Variants in MCF2L2 observed in about 807,000 individuals in gnomAD.
MCF2L2 encodes the protein MCF.2 cell line derived transforming sequence-like 2, also known as probable guanine nucleotide exchange factor MCF2L2.
Under a neutral mutation model 150.2 loss-of-function variants are expected in MCF2L2, and 102 were observed. The ratio of observed to expected loss-of-function variants is 0.68; its 90% CI spans 0.58 to 0.80. The LOEUF is 0.80. Ranked by LOEUF, MCF2L2 falls within the 30% of genes least tolerant of loss-of-function variation. The pLI, the probability that MCF2L2 is intolerant of heterozygous loss-of-function variation, is 0.00. For missense variants in MCF2L2, 1,256 were observed against 1,372.8 expected (o/e 0.91, Z 1.34); for synonymous variants, 465 against 491.3 (o/e 0.95, Z 0.71).
rs1403849227 is a variant in MCF2L2 at position 183,262,315 on chromosome 3, T to C, written c.1862+14557A>G. Among the ~76,000 whole-genome samples the C allele has an allele frequency of 2.6e-5, 4 of 152,156 alleles. No homozygotes were observed. In the East Asian group the frequency reaches 7.7e-4, roughly 29 times the overall value. ...CAGACATGTCCATGGAAGTTGGCAA[T>C]ATTCAGCCCCCAGCAGGCCCCAGTC... On this transcript the variant is annotated intron_variant, in intron 15 of 29. Coordinates refer to ENST00000328913, the MANE Select transcript of MCF2L2 (RefSeq NM_015078.4).
chr3:183,179,445 C>T lies in MCF2L2; in HGVS notation c.3280G>A (p.Ala1094Thr), dbSNP rs774320401. 1.9e-6 allele frequency: 3 copies of T among 1,587,224 alleles called. No individual in the cohort carries two copies. The highest frequency in any genetic ancestry group is 1.7e-4 in the Middle Eastern group (1 of 6,002). ...AGASTGRLAP[A>T]GATAGFQARA... is the part of the protein sequence containing the mutation. ...GCCTGGAAACCAGCCGTCGCCCCCG[C>T]AGGAGCCAGCCGGCCCGTGGACGCC... Residue 1094 changes from alanine to threonine, a missense_variant, in exon 30 of 30, where the codon GCG becomes ACG. Physicochemically the swap from Ala to Thr is moderately conservative, Grantham distance 58 (BLOSUM62 0). Coordinates refer to ENST00000328913, the MANE Select transcript of MCF2L2 (RefSeq NM_015078.4). This position sits in a 1 kb window ranked among gnomAD's most constrained non-coding sequence, Gnocchi z 4.2.
chr3:183,320,777 G>A (rs6802172), intron 6 of MCF2L2, among the ~76,000 whole-genome samples: 21,580 of 152,116 alleles, frequency 0.14, 1,692 homozygotes, highest in African/African-American at 0.2. Context: ...TTCACAACTA[G>A]GCGAACTGGC....
At chr3:183,277,781 A>C (rs1249358586) in intron 14 of MCF2L2, among the ~76,000 whole-genome samples, 1 of 150,712 alleles carries the variant, frequency 6.6e-6, no homozygotes, top group Non-Finnish European at 1.5e-5. Flanking sequence ...GGAAACATAT[A>C]TATATGTTTT....
At chr3:183,190,942 A>G (rs1191888125) in intron 27 of MCF2L2, among the ~76,000 whole-genome samples, 1 of 152,102 alleles carries the variant, frequency 6.6e-6, no homozygotes, top group Non-Finnish European at 1.5e-5. Context: ...CTGGAGTGCA[A>G]TGGCGCGATC....
rs754136583 is a variant in MCF2L2 at position 183,297,101 on chromosome 3, G to A, written c.1372C>T (p.Arg458Ter). The change falls in exon 12 of 30, where the codon CGA (arginine) becomes TGA (stop). Residue 458 changes from arginine (R) to a stop codon, truncating the protein, a stop_gained. Coordinates refer to ENST00000328913, the MANE Select transcript of MCF2L2 (RefSeq NM_015078.4). LOFTEE classifies it high-confidence loss of function. ...TTCAAGGCGATATCAACCCCTTCTC[G>A]AGACTGGCACTTGTCTACAGCTTGG... ...ASQAVDKCQS[R>*]EGVDIALNDI... 18 of 1,614,130 alleles carry A rather than the reference G, an allele frequency of 1.1e-5. No individual in the cohort carries two copies. Among genetic ancestry groups the A allele is most frequent in the Non-Finnish European group, 1.4e-5 (16 of 1,180,022 alleles).
At chr3:183,350,776 C>T (rs981211238) in intron 3 of MCF2L2, among the ~76,000 whole-genome samples, 1 of 151,904 alleles carries the variant, frequency 6.6e-6, no homozygotes, top group Non-Finnish European at 1.5e-5. Context: ...TGGTGGCGGG[C>T]GCCTGGAGTC....
intron 9 of MCF2L2, 118 bp from the exon 10 acceptor site, chr3:183,309,953 T>C (rs1729286583): frequency 8.5e-7 from 1 of 1,183,150 alleles, no homozygotes; most frequent in Non-Finnish European, 1.1e-6. Flanking sequence ...CTTGTATATA[T>C]CTATATATGT....
intron 15 of MCF2L2, 168 bp from the exon 16 acceptor site, chr3:183,231,185 C>G (rs1004588390): frequency 4.3e-6 from 3 of 690,074 alleles, no homozygotes; most frequent in Non-Finnish European, 8.0e-6. Context: ...CCAAGGTCAG[C>G]ATCTCACAAA....
intron 1 of MCF2L2, among the ~76,000 whole-genome samples, chr3:183,410,361 T>C (rs1018644070): frequency 2.0e-5 from 3 of 152,206 alleles, no homozygotes; most frequent in African/African-American, 7.2e-5. Context: ...TGAACTCCCC[T>C]CCAGTCCAGT....
At position 183,338,902 on chromosome 3, in the gene MCF2L2, G is replaced by A; in HGVS notation, c.384C>T (p.Asn128=). 1 of 1,599,934 alleles carries A rather than the reference G, an allele frequency of 6.3e-7. No individual in the cohort carries two copies. The change falls in exon 5 of 30, where the codon AAC becomes AAT. Residue 128 remains asparagine (N), a synonymous_variant. Coordinates refer to ENST00000328913, the MANE Select transcript of MCF2L2 (RefSeq NM_015078.4). The part of the protein sequence containing the change: ...LTRIAVAFPG[N]LQLIFILRPS... ...GACGAAGGATGAATATGAGCTGTAAGTTTCCTGGAAATGCCACCTGCAAGC... is the reference window on the plus strand; with the variant it reads ...GACGAAGGATGAATATGAGCTGTAAATTTCCTGGAAATGCCACCTGCAAGC...
At chr3:183,329,435 C>T (rs1304033792) in intron 5 of MCF2L2, among the ~76,000 whole-genome samples, 1 of 152,186 alleles carries the variant, frequency 6.6e-6, no homozygotes, top group East Asian at 1.9e-4. Context: ...GATCCACCCA[C>T]CTCAACCTCC....
chr3:183,380,546 CG>C lies in MCF2L2; in HGVS notation c.161-1136del, dbSNP rs749508558. Among the ~76,000 whole-genome samples the C allele has an allele frequency of 8.5e-5, 13 of 152,224 alleles. No homozygotes were observed. In the East Asian group the frequency reaches 2.5e-3, roughly 29 times the overall value. ...CCTCGTGAGTAGCTGGGATTACAGG[CG>C]TGCACCACCATACCCAGCTAATTTT... On this transcript the variant is annotated intron_variant, in intron 2 of 29. Transcript: ENST00000328913.
At position 183,270,350 on chromosome 3, in the gene MCF2L2, A is replaced by C; in HGVS notation, c.1862+6522T>G. ...TCAGTTGGGCAAATACCTATTGTCC[A>C]CATGCCAAATTTCTTATGACTGCTG... is the stretch of plus-strand genomic sequence containing the variant. On this transcript the variant is annotated intron_variant, in intron 15 of 29. Transcript: ENST00000328913. This position sits in a 1 kb window ranked among gnomAD's most constrained non-coding sequence, Gnocchi z 4.5. The C allele has an allele frequency of 1.9e-6, 3 of 1,614,212 alleles. No individual in the cohort carries two copies. The South Asian group carries it at 3.3e-5, about 18-fold the overall frequency.
At chr3:183,344,360 T>C (rs959615909) in intron 3 of MCF2L2, among the ~76,000 whole-genome samples, 2 of 151,710 alleles carry the variant, frequency 1.3e-5, no homozygotes, top group African/African-American at 4.8e-5. Flanking sequence ...AAAGGAGAAA[T>C]AAAGGAACAA....
intron 5 of MCF2L2, among the ~76,000 whole-genome samples, chr3:183,333,910 T>G (rs6792953): frequency 0.26 from 38,699 of 147,176 alleles, 7,195 homozygotes; most frequent in African/African-American, 0.53. Context: ...GATCAGAGCA[T>G]GCCTGAGAGG....
chr3:183,318,425 A>G (rs1729685702), intron 6 of MCF2L2, among the ~76,000 whole-genome samples: 1 of 152,182 alleles, frequency 6.6e-6, no homozygotes, highest in Non-Finnish European at 1.5e-5. Context: ...ATGACTTTGG[A>G]TAAGTCACCT....
Position 183,323,091 on chromosome 3 carries a change from C to T in MCF2L2, c.603+144G>A, listed in dbSNP as rs1054074030. ...CTTCGCCCTTCCACACTCCTTCTTC[C>T]CCACCCTGTGGCTGAGAAATCCCAA... On this transcript the variant is annotated intron_variant, in intron 6 of 29. Coordinates refer to ENST00000328913, the MANE Select transcript of MCF2L2 (RefSeq NM_015078.4). 8 of 567,646 alleles carry T rather than the reference C, an allele frequency of 1.4e-5. No individual in the cohort carries two copies. In the African/African-American group the frequency reaches 1.5e-4, roughly 11 times the overall value. The allele number at this position is 567,646 out of a possible 1,614,324, so 35.2% of individuals were successfully genotyped here.
chr3:183,347,821 T>C (rs1259226401), intron 3 of MCF2L2, among the ~76,000 whole-genome samples: 1 of 152,174 alleles, frequency 6.6e-6, no homozygotes, highest in Non-Finnish European at 1.5e-5. Flanking sequence ...TGCTGGTCAT[T>C]AGATAAATGC....
At chr3:183,323,106 A>G (rs1729879623) in intron 6 of MCF2L2, 129 bp downstream of exon 6, 1 of 603,932 alleles carries the variant, frequency 1.7e-6, no homozygotes, top group Non-Finnish European at 3.0e-6. Flanking sequence ...CCTGTGGCTG[A>G]GAAATCCCAA....
Sources: allele counts gnomAD v4.1 joint callset (sites outside exome capture counted in the v4.1 genomes callset), GRCh38; gene constraint gnomAD v4.1.1; non-coding constraint Gnocchi (gnomAD v3.1); transcripts MANE v1.5; gene names NCBI Gene and HGNC (gene_info 2026-07-23, HGNC 2026-07-21).